ELMOD3: variants seen among roughly 807,000 people sequenced by gnomAD.
ELMOD3 encodes ELMO domain containing 3.
Under a neutral mutation model 47.4 loss-of-function variants are expected in ELMOD3, and 36 were observed. The ratio of observed to expected loss-of-function variants is 0.76; its 90% CI spans 0.58 to 1.00. The LOEUF (loss-of-function observed/expected upper bound fraction) is 1.00, where lower values mean the gene tolerates loss of function less well. Ranked by LOEUF, ELMOD3 falls within the 50% of genes least tolerant of loss-of-function variation. The probability of loss-of-function intolerance (pLI) is 0.00; values close to 1 mark genes in which losing one functional copy is unlikely to be tolerated. For missense variants in ELMOD3, 404 were observed against 463.8 expected (o/e 0.87, Z 1.18); for synonymous variants, 149 against 183.5 (o/e 0.81, Z 1.52).
chr2:85,377,567 C>T, intron 11 of ELMOD3, 93 bp downstream of exon 11: 1 of 1,335,810 alleles, frequency 7.5e-7, no homozygotes. Flanking sequence ...TGAGATAAAC[C>T]AGGAATGGGC....
rs1685166897 is a variant in ELMOD3, at chr2:85,376,361, G to A, written c.608-983G>A. On this transcript the variant is annotated intron_variant, in intron 10 of 13. Coordinates refer to ENST00000409013, the MANE Select transcript of ELMOD3 (RefSeq NM_001135022.2). The surrounding 1 kb of genome is among the most constrained non-coding windows in gnomAD (Gnocchi z 4.2). ...CCTGTTACTGTGCCAGCAGGGGAAG[G>A]AGGGACGTCACCATGTTACTGCCAG... Among the ~76,000 whole-genome samples the A allele has an allele frequency of 6.6e-6, 1 of 152,172 alleles. No individual in the cohort carries two copies. Among genetic ancestry groups the A allele is most frequent in the South Asian group, 2.1e-4 (1 of 4,824 alleles).
At chr2:85,372,523 ATATAT>A (rs1420065670) in intron 10 of ELMOD3, 6 of 152,212 alleles carry the variant, frequency 3.9e-5, no homozygotes, top group African/African-American at 1.4e-4. Context: ...AAATTTTATC[ATATAT>A]TATTTTACTT....
Position 85,371,218 on chromosome 2 carries a change from A to C in ELMOD3, c.484+9A>C. The C allele has an allele frequency of 6.2e-7, 1 of 1,614,264 alleles. No homozygotes were observed. The highest frequency in any genetic ancestry group is 1.1e-5 in the South Asian group (1 of 91,090). ...CCTGACCATTGCTCAGTGTGAGTGC[A>C]ATGCGAGCCCACAGGGCAGTTGCTG... On this transcript the variant is annotated intron_variant, in intron 9 of 13. Coordinates refer to ENST00000409013, the MANE Select transcript of ELMOD3 (RefSeq NM_001135022.2).
chr2:85,357,088 A>G lies in ELMOD3; in HGVS notation c.-111A>G, dbSNP rs1335089748. ...GTCTGAGTGACTGCCAAGGAAGGCA[A>G]AGGTAGAGCAACTGGATCTCTGGCT... On this transcript the variant is annotated 5_prime_UTR_variant, in exon 4 of 14. Transcript: ENST00000409013. 4 of 711,596 alleles carry G rather than the reference A, an allele frequency of 5.6e-6. No individual in the cohort carries two copies. Among genetic ancestry groups the G allele is most frequent in the African/African-American group, 1.8e-5 (1 of 54,714 alleles). 44.1% of individuals were successfully genotyped at this position (711,596 alleles called of 1,614,324 possible). A position where few individuals can be genotyped will look rare whatever the true frequency, so the allele number is the denominator to read the frequency against.
Position 85,371,532 on chromosome 2 carries a change from G to T in ELMOD3, c.577G>T (p.Gly193Ter). 6.2e-7 allele frequency: 1 copy of T among 1,614,216 alleles called. No homozygotes were observed. The highest frequency in any genetic ancestry group is 8.5e-7 in the Non-Finnish European group (1 of 1,180,042). Residue 193 changes from glycine to a stop codon, truncating the protein, a stop_gained, in exon 10 of 14, where the codon GGA (glycine) becomes TGA (stop). Transcript: ENST00000409013. LOFTEE classifies it high-confidence loss of function. Reference sequence around the variant, plus strand: ...CTCCAAGTTTGACTGTGCCCTTCATGGAAACCACTGGGAGGACCTGGGCTT... The same window carrying T: ...CTCCAAGTTTGACTGTGCCCTTCATTGAAACCACTGGGAGGACCTGGGCTT... ...TGSKFDCALHGNHWEDLGFQG... is the reference protein window; with the variant it reads ...TGSKFDCALH
At position 85,371,551 on chromosome 2, in the gene ELMOD3, T is replaced by TGGGCTTTCA; in HGVS notation, c.600_607+1dup. The TGGGCTTTCA allele has an allele frequency of 6.2e-7, 1 of 1,614,198 alleles. No individual in the cohort carries two copies. On this transcript the variant is annotated inframe_insertion, in exon 10 of 14. Transcript: ENST00000409013. ...CTTCATGGAAACCACTGGGAGGACCTGGGCTTTCAGGGTAAGAGGGAGGAG... is the reference window on the plus strand; with the variant it reads ...CTTCATGGAAACCACTGGGAGGACCTGGGCTTTCAGGGCTTTCAGGGTAAGAGGGAGGAG...
intron 4 of ELMOD3, among the ~76,000 whole-genome samples, chr2:85,358,421 G>C (rs1015388754): frequency 2.6e-5 from 4 of 152,192 alleles, no homozygotes; most frequent in Non-Finnish European, 4.4e-5. Flanking sequence ...TAGTAAGGTA[G>C]GTTGCCTTGA....
Position 85,371,155 on chromosome 2 carries a change from A to G in ELMOD3, c.430A>G (p.Lys144Glu), listed in dbSNP as rs1684759565. ...ALRHYLFGPP[K>E]LHQRLREERD... Reference sequence around the variant, plus strand: ...CCGACACTACCTCTTCGGGCCTCCAAAGCTCCACCAGCGCCTTCGGGAAGA... The same window carrying G: ...CCGACACTACCTCTTCGGGCCTCCAGAGCTCCACCAGCGCCTTCGGGAAGA... The change falls in exon 9 of 14, where the codon AAG becomes GAG. Residue 144 changes from lysine (K) to glutamate (E), a missense_variant. Physicochemically the swap from Lys to Glu is moderately conservative, Grantham distance 56 (BLOSUM62 1). Transcript: ENST00000409013. 1 of 1,614,238 alleles carries G rather than the reference A, an allele frequency of 6.2e-7. No homozygotes were observed. Among genetic ancestry groups the G allele is most frequent in the African/African-American group, 1.3e-5 (1 of 75,074 alleles).
rs374065899 is a variant in ELMOD3 at position 85,362,224 on chromosome 2, C to G, written c.93C>G (p.Asp31Glu). The change falls in exon 5 of 14, where the codon GAC (aspartate) becomes GAG (glutamate). Residue 31 changes from aspartate (D) to glutamate (E), a missense_variant. Transcript: ENST00000409013. ...CTGCTGGATATTCTCCATCATATGA[C>G]AAGGACAAGAGTGTTCTGGCTTTCA... Reference protein sequence around the residue: ...RLSAGYSPSYDKDKSVLAFRG... With the variant: ...RLSAGYSPSYEKDKSVLAFRG... The G allele has an allele frequency of 1.9e-6, 3 of 1,607,834 alleles. No homozygotes were observed. Among genetic ancestry groups the G allele is most frequent in the Middle Eastern group, 1.7e-4 (1 of 6,054 alleles).
chr2:85,379,884 T>C (rs986154840), intron 11 of ELMOD3, among the ~76,000 whole-genome samples: 10 of 152,178 alleles, frequency 6.6e-5, no homozygotes, highest in Non-Finnish European at 1.2e-4. Flanking sequence ...TTGGGTGAAT[T>C]TCCTCTCCTC....
At position 85,357,077 on chromosome 2, in the gene ELMOD3, C is replaced by T. The variant is rs1329117483; in HGVS notation, c.-122C>T. 4.5e-6 allele frequency: 3 copies of T among 660,678 alleles called. No homozygotes were observed. Among genetic ancestry groups the T allele is most frequent in the South Asian group, 1.9e-5 (1 of 52,086 alleles). 40.9% of individuals were successfully genotyped at this position (660,678 alleles called of 1,614,324 possible). ...TCTTACTCTTAGTCTGAGTGACTGC[C>T]AAGGAAGGCAAAGGTAGAGCAACTG... On this transcript the variant is annotated 5_prime_UTR_variant, in exon 4 of 14. It introduces an in-frame stop codon into an upstream open reading frame of the 5' UTR. Coordinates refer to ENST00000409013, the MANE Select transcript of ELMOD3 (RefSeq NM_001135022.2).
intron 11 of ELMOD3, among the ~76,000 whole-genome samples, chr2:85,379,194 A>ATTTTG (rs950331637): frequency 1.3e-5 from 2 of 152,050 alleles, no homozygotes; most frequent in South Asian, 4.1e-4. Flanking sequence ...TTAAAACATT[A>ATTTTG]TTTTGTTTTG....
At chr2:85,387,414 C>T (rs533344469) in intron 11 of ELMOD3, among the ~76,000 whole-genome samples, 40 of 152,182 alleles carry the variant, frequency 2.6e-4, no homozygotes, top group Non-Finnish European at 5.1e-4. Flanking sequence ...GTAATCCCAG[C>T]GCTTTGGGAG....
At chr2:85,356,047 AT>A (rs1573073049) in intron 3 of ELMOD3, 1 of 152,272 alleles carries the variant, frequency 6.6e-6, no homozygotes, top group African/African-American at 2.4e-5. Context: ...TGTGTGGGCC[AT>A]CTGCCCACTT....
rs374065899 is a variant in ELMOD3 at position 85,362,224 on chromosome 2, C to A, written c.93C>A (p.Asp31Glu). ...CTGCTGGATATTCTCCATCATATGA[C>A]AAGGACAAGAGTGTTCTGGCTTTCA... ...RLSAGYSPSY[D>E]KDKSVLAFRG... Residue 31 changes from aspartate (D) to glutamate (E), a missense_variant, in exon 5 of 14, where the codon GAC becomes GAA. Asp to Glu is a conservative substitution (Grantham distance 45). Coordinates refer to ENST00000409013, the MANE Select transcript of ELMOD3 (RefSeq NM_001135022.2). The A allele has an allele frequency of 1.2e-6, 2 of 1,607,834 alleles. No individual in the cohort carries two copies. The highest frequency in any genetic ancestry group is 4.5e-5 in the East Asian group (2 of 44,834).
At position 85,390,981 on chromosome 2, in the gene ELMOD3, G is replaced by T. The variant is rs1216394436; in HGVS notation, c.*19G>T. On this transcript the variant is annotated 3_prime_UTR_variant, in exon 14 of 14. Transcript: ENST00000409013. ...GATCTGACCTCCGAGATGAATGGAG[G>T]CTTAAAGGCTGAGCTGCAGGGGCTT... The T allele has an allele frequency of 1.3e-6, 2 of 1,545,504 alleles. No homozygotes were observed. Among genetic ancestry groups the T allele is most frequent in the Non-Finnish European group, 1.8e-6 (2 of 1,142,462 alleles).
At chr2:85,359,256 A>G (rs1335683323) in intron 4 of ELMOD3, among the ~76,000 whole-genome samples, 1 of 152,182 alleles carries the variant, frequency 6.6e-6, no homozygotes, top group African/African-American at 2.4e-5. Context: ...CATGTACAAA[A>G]CATGTATGAT....
chr2:85,371,432 T>G lies in ELMOD3; in HGVS notation c.485-8T>G, dbSNP rs775977369. Reference sequence around the variant, plus strand: ...TCTGGCAGAGAGTGTGGGTGTGTTTTGGGGCAGGTGGCCTGGATAGCCAAG... The same window carrying G: ...TCTGGCAGAGAGTGTGGGTGTGTTTGGGGGCAGGTGGCCTGGATAGCCAAG... On this transcript the variant is annotated splice_polypyrimidine_tract_variant and splice_region_variant and intron_variant, in intron 9 of 13. Transcript: ENST00000409013. 9.9e-6 allele frequency: 16 copies of G among 1,614,046 alleles called. No individual in the cohort carries two copies. The highest frequency in any genetic ancestry group is 1.7e-5 in the Admixed American group (1 of 59,994).
chr2:85,357,470 T>C (rs931087016), intron 4 of ELMOD3: 3 of 400,916 alleles, frequency 7.5e-6, no homozygotes, highest in Admixed American at 8.8e-5. Context: ...TTCTTTTTGC[T>C]TGGGTAGTGG....
Sources: gnomAD v4.1 joint callset for allele counts (sites outside exome capture counted in the v4.1 genomes callset) on GRCh38, gnomAD v4.1.1 for gene constraint, Gnocchi (gnomAD v3.1) non-coding constraint, MANE v1.5 for transcripts, NCBI Gene and HGNC (gene_info 2026-07-23, HGNC 2026-07-21) for gene names.